Variants in AFG2A observed in about 807,000 individuals in gnomAD.
AFG2A encodes the protein AAA ATPase AFG2A.
the AFG2A span, among the ~76,000 whole-genome samples, chr4:123,092,171 A>G: frequency 6.6e-6 from 1 of 152,204 alleles, no homozygotes; most frequent in Non-Finnish European, 1.5e-5. Flanking sequence ...TGAAGTCTAT[A>G]CAAAGTATAA....
chr4:123,084,850 C>T, the AFG2A span, among the ~76,000 whole-genome samples: 2 of 152,042 alleles, frequency 1.3e-5, no homozygotes, highest in African/African-American at 2.4e-5. Flanking sequence ...AGGCTGGTCT[C>T]AAACTCCTGG....
At chr4:122,927,541 A>T in the AFG2A span, 5 of 1,268,872 alleles carry the variant, frequency 3.9e-6, no homozygotes, top group East Asian at 1.2e-4. Context: ...TCATGTGGTT[A>T]TATGGTTAGA....
the AFG2A span, among the ~76,000 whole-genome samples, chr4:123,175,774 T>G: frequency 6.6e-6 from 1 of 152,100 alleles, no homozygotes; most frequent in Non-Finnish European, 1.5e-5. Context: ...TCAAGTAAAA[T>G]GCAACGGATG....
chr4:123,121,259 A>AT, the AFG2A span, among the ~76,000 whole-genome samples: 22,718 of 118,744 alleles, frequency 0.19, 2,138 homozygotes, highest in East Asian at 0.55. Context: ...AAAAAAAAAA[A>AT]ATAATAAATA....
chr4:123,211,466 C>T, the AFG2A span, among the ~76,000 whole-genome samples: 54 of 152,082 alleles, frequency 3.6e-4, no homozygotes, highest in African/African-American at 1.3e-3. Context: ...GATCCTCAAT[C>T]CTTGGATATA....
At chr4:123,002,858 C>G in the AFG2A span, among the ~76,000 whole-genome samples, 1 of 152,178 alleles carries the variant, frequency 6.6e-6, no homozygotes. Context: ...GCCTGCCTTG[C>G]TGGATTGGGG....
the AFG2A span, among the ~76,000 whole-genome samples, chr4:123,222,277 G>T: frequency 6.6e-6 from 1 of 152,152 alleles, no homozygotes; most frequent in Non-Finnish European, 1.5e-5. Flanking sequence ...ACTTTCTTGT[G>T]TGTCTGTTAT....
chr4:123,226,367 C>T, the AFG2A span, among the ~76,000 whole-genome samples: 5 of 151,944 alleles, frequency 3.3e-5, no homozygotes, highest in Non-Finnish European at 5.9e-5. Flanking sequence ...ATAGCTCTTA[C>T]TATTTTGAGA....
At chr4:123,283,846 C>T in the AFG2A span, among the ~76,000 whole-genome samples, 2 of 152,232 alleles carry the variant, frequency 1.3e-5, no homozygotes, top group Middle Eastern at 3.4e-3. Context: ...CTGTGTTCTC[C>T]GCAAGACCAA....
the AFG2A span, chr4:122,947,444 A>G: frequency 1.2e-6 from 2 of 1,613,926 alleles, no homozygotes; most frequent in Admixed American, 1.7e-5. Flanking sequence ...AATAGTGCTC[A>G]TGGATACGTT....
the AFG2A span, among the ~76,000 whole-genome samples, chr4:123,094,856 A>G: frequency 6.6e-6 from 1 of 151,424 alleles, no homozygotes; most frequent in Non-Finnish European, 1.5e-5. Flanking sequence ...CTCCCCTCAC[A>G]AATTCCCTTT....
the AFG2A span, among the ~76,000 whole-genome samples, chr4:123,075,677 G>T: frequency 3.9e-5 from 6 of 152,130 alleles, no homozygotes; most frequent in South Asian, 2.1e-4. Context: ...CCCTGAACTG[G>T]CCGGGCATGG....
the AFG2A span, chr4:123,028,082 T>C: frequency 1.1e-6 from 1 of 930,680 alleles, no homozygotes; most frequent in African/African-American, 1.7e-5. Context: ...TAAATGGTTC[T>C]ATTCTTTTTT....
chr4:123,240,975 C>T, the AFG2A span, among the ~76,000 whole-genome samples: 4 of 152,166 alleles, frequency 2.6e-5, no homozygotes, highest in African/African-American at 9.7e-5. Flanking sequence ...CACAGAAATA[C>T]AAACTACCAT....
the AFG2A span, among the ~76,000 whole-genome samples, chr4:122,945,410 C>G: frequency 3.3e-5 from 5 of 152,212 alleles, no homozygotes; most frequent in Admixed American, 2.0e-4. Flanking sequence ...GCTGTGCTAG[C>G]AATCAGCGAG....
the AFG2A span, among the ~76,000 whole-genome samples, chr4:123,032,735 G>A: frequency 6.6e-6 from 1 of 152,166 alleles, no homozygotes; most frequent in Non-Finnish European, 1.5e-5. Flanking sequence ...CTTTTACTGA[G>A]CTAGTGATAT....
At chr4:123,294,770 TAA>T in the AFG2A span, among the ~76,000 whole-genome samples, 4 of 152,304 alleles carry the variant, frequency 2.6e-5, no homozygotes, top group East Asian at 7.7e-4. Context: ...GAGTGATACT[TAA>T]AAGACATGAG....
At chr4:123,027,890 C>G in the AFG2A span, among the ~76,000 whole-genome samples, 1 of 152,000 alleles carries the variant, frequency 6.6e-6, no homozygotes, top group East Asian at 1.9e-4. Context: ...AACGTAACTT[C>G]TAAATCTTTC....
At chr4:123,040,082 T>C in the AFG2A span, among the ~76,000 whole-genome samples, 1 of 152,106 alleles carries the variant, frequency 6.6e-6, no homozygotes, top group African/African-American at 2.4e-5. Flanking sequence ...TCTTATTCAT[T>C]TTCTTTTGTA....
Sources: gnomAD v4.1 joint callset for allele counts (sites outside exome capture counted in the v4.1 genomes callset) on GRCh38, gnomAD v4.1.1 for gene constraint, MANE v1.5 for transcripts, NCBI Gene and HGNC (gene_info 2026-07-23, HGNC 2026-07-21) for gene names.